MEAF6: variants seen among roughly 807,000 people sequenced by gnomAD.
The protein encoded by MEAF6 is MYST/Esa1 associated factor 6.
In MEAF6, 15 loss-of-function variants were observed where a neutral mutation model predicts 28.9. That is an observed-to-expected ratio of 0.52 (90% confidence interval 0.35 to 0.80). MEAF6 has a LOEUF of 0.80. MEAF6 is among the 30% of genes least tolerant of loss of function. The pLI, the probability that MEAF6 is intolerant of heterozygous loss-of-function variation, is 0.01. For missense variants in MEAF6, 178 were observed against 237.5 expected (o/e 0.75, Z 1.65); for synonymous variants, 97 against 88.7 (o/e 1.09, Z -0.53).
intron 2 of MEAF6, 86 bp from the exon 3 acceptor site, chr1:37,509,628 G>A (rs1642598869): frequency 5.0e-6 from 6 of 1,197,162 alleles, no homozygotes; most frequent in African/African-American, 1.5e-5. Flanking sequence ...GTTCCATGCA[G>A]GAAGCTTCCA....
intron 5 of MEAF6, 186 bp downstream of exon 5, chr1:37,501,618 G>A: frequency 6.2e-6 from 3 of 484,356 alleles, no homozygotes; most frequent in Non-Finnish European, 1.1e-5. Flanking sequence ...AGTCTTCCTT[G>A]AGGGTTACTC....
At chr1:37,499,445 AGGGACTT>A (rs1642226128) in intron 5 of MEAF6, among the ~76,000 whole-genome samples, 1 of 152,184 alleles carries the variant, frequency 6.6e-6, no homozygotes, top group African/African-American at 2.4e-5. Flanking sequence ...AGCAGTAGTA[AGGGACTT>A]GGAGCAGACA....
chr1:37,491,080 G>A lies in MEAF6; in HGVS notation c.*3019C>T, dbSNP rs1233551994. On this transcript the variant is annotated 3_prime_UTR_variant, in exon 7 of 7. Transcript: ENST00000296214. The stretch of plus-strand genomic sequence containing the variant: ...CATTAATTTGGAGTAAGGTTGGGGG[G>A]CATAGAAGACAGAATAAATGCAAAA... Among the ~76,000 whole-genome samples the A allele has an allele frequency of 1.3e-5, 2 of 152,110 alleles. No homozygotes were observed. Among genetic ancestry groups the A allele is most frequent in the South Asian group, 2.1e-4 (1 of 4,812 alleles).
chr1:37,510,724 AT>A, intron 2 of MEAF6, among the ~76,000 whole-genome samples: 1 of 151,188 alleles, frequency 6.6e-6, no homozygotes, highest in South Asian at 2.1e-4. Context: ...TTATTTACTT[AT>A]TTATATATTT....
chr1:37,511,127 G>T (rs1329378221), intron 2 of MEAF6, among the ~76,000 whole-genome samples: 1 of 152,208 alleles, frequency 6.6e-6, no homozygotes, highest in Non-Finnish European at 1.5e-5. Context: ...AAGAACCAGG[G>T]TTCCTTAGAG....
intron 1 of MEAF6, chr1:37,513,822 A>C: frequency 1.9e-6 from 1 of 512,858 alleles, no homozygotes; most frequent in Middle Eastern, 5.1e-4. Context: ...ACCATGAGTC[A>C]AGAGCCCAGG....
chr1:37,492,702 C>G lies in MEAF6; in HGVS notation c.*1397G>C, dbSNP rs1641978114. On this transcript the variant is annotated 3_prime_UTR_variant, in exon 7 of 7. Transcript: ENST00000296214. ...CCAATACTATCACAAATGAAACATA[C>G]TATTTCTTACAAAGATATAGGCATA... The G allele has an allele frequency of 6.6e-6, 1 of 152,380 alleles. No homozygotes were observed. Among genetic ancestry groups the G allele is most frequent in the Non-Finnish European group, 1.5e-5 (1 of 68,018 alleles). The allele number at this position is 152,380 out of a possible 1,614,324, so 9.4% of individuals were successfully genotyped here. A position where few individuals can be genotyped will look rare whatever the true frequency, so the allele number is the denominator to read the frequency against.
Position 37,491,119 on chromosome 1 carries a change from G to A in MEAF6, c.*2980C>T, listed in dbSNP as rs918532712. On this transcript the variant is annotated 3_prime_UTR_variant, in exon 7 of 7. Transcript: ENST00000296214. ...ATAAATGCAAAAACTAAGTCACAGA[G>A]TGTTTCAAGCTTAGGCTCTTTAACT... 1.3e-5 allele frequency among the ~76,000 whole-genome samples: 2 copies of A among 152,226 alleles called. No homozygotes were observed. Among genetic ancestry groups the A allele is most frequent in the Admixed American group, 1.3e-4 (2 of 15,276 alleles).
Position 37,509,536 on chromosome 1 carries a change from G to A in MEAF6, c.213C>T (p.Ser71=). ...GGTTCCTTCGATCATTTTTGCTATT[G>A]GAGTTTCTAAAACACAGAAGAAACT... ...WDRYLTNQKN[S]NSKNDRRNRK... The change falls in exon 3 of 7, where the codon TCC becomes TCT. Residue 71 remains serine, a synonymous_variant. Coordinates refer to ENST00000296214, the MANE Select transcript of MEAF6 (RefSeq NM_001270875.3). 1 of 1,613,402 alleles carries A rather than the reference G, an allele frequency of 6.2e-7. No homozygotes were observed. Among genetic ancestry groups the A allele is most frequent in the Non-Finnish European group, 8.5e-7 (1 of 1,179,820 alleles).
intron 4 of MEAF6, among the ~76,000 whole-genome samples, chr1:37,505,894 T>C (rs187902968): frequency 1.3e-5 from 2 of 152,252 alleles, no homozygotes; most frequent in African/African-American, 2.4e-5. Flanking sequence ...TGCAAAACAA[T>C]GAAGCTGTAC....
At chr1:37,501,223 C>T (rs1642291439) in intron 5 of MEAF6, among the ~76,000 whole-genome samples, 1 of 152,170 alleles carries the variant, frequency 6.6e-6, no homozygotes, top group African/African-American at 2.4e-5. Flanking sequence ...TTACACGTTA[C>T]CTATGAAGAC....
At chr1:37,513,183 T>C (rs932445006) in intron 2 of MEAF6, among the ~76,000 whole-genome samples, 1 of 152,220 alleles carries the variant, frequency 6.6e-6, no homozygotes, top group Non-Finnish European at 1.5e-5. Context: ...TGTATAAAGA[T>C]ACTGTATTTA....
At chr1:37,513,742 T>G (rs1175218414) in intron 1 of MEAF6, 8 of 588,460 alleles carry the variant, frequency 1.4e-5, no homozygotes, top group Non-Finnish European at 2.1e-5. Flanking sequence ...CCCCTGAATG[T>G]ATAAAGCATG....
intron 4 of MEAF6, among the ~76,000 whole-genome samples, chr1:37,504,541 C>T (rs1642414861): frequency 6.6e-6 from 1 of 151,894 alleles, no homozygotes; most frequent in African/African-American, 2.4e-5. Flanking sequence ...AAAGCCGACA[C>T]AAGTGGATCA....
At position 37,509,556 on chromosome 1, in the gene MEAF6, G is replaced by A; in HGVS notation, c.207-14C>T. 6.2e-7 allele frequency: 1 copy of A among 1,609,970 alleles called. No homozygotes were observed. Among genetic ancestry groups the A allele is most frequent in the Non-Finnish European group, 8.5e-7 (1 of 1,177,134 alleles). The stretch of plus-strand genomic sequence containing the variant: ...CTATTGGAGTTTCTAAAACACAGAA[G>A]AAACTCATTATGAGCACCAAGCTAT... On this transcript the variant is annotated splice_polypyrimidine_tract_variant and intron_variant, in intron 2 of 6. Coordinates refer to ENST00000296214, the MANE Select transcript of MEAF6 (RefSeq NM_001270875.3).
intron 5 of MEAF6, 22 bp from the exon 6 acceptor site, chr1:37,495,940 A>G: frequency 1.2e-6 from 2 of 1,609,770 alleles, no homozygotes; most frequent in Non-Finnish European, 1.7e-6. Flanking sequence ...AAGATAAAAG[A>G]TATTTCCATT....
intron 6 of MEAF6, 87 bp downstream of exon 6, chr1:37,495,797 AG>A: frequency 1.6e-6 from 2 of 1,286,592 alleles, no homozygotes; most frequent in Non-Finnish European, 1.1e-6. Context: ...ACTCCAGGTT[AG>A]GAACACTCAA....
intron 5 of MEAF6, among the ~76,000 whole-genome samples, chr1:37,500,385 A>C (rs1209394757): frequency 2.0e-5 from 3 of 152,238 alleles, no homozygotes; most frequent in African/African-American, 7.2e-5. Context: ...CAATTAAAAA[A>C]ATTTTTAAGA....
chr1:37,509,384 G>A lies in MEAF6; in HGVS notation c.295-61C>T, dbSNP rs576210873. On this transcript the variant is annotated intron_variant, in intron 3 of 6. Coordinates refer to ENST00000296214, the MANE Select transcript of MEAF6 (RefSeq NM_001270875.3). ...CACAGACCTCAGAAGAGCACTCCCA[G>A]AGGAAGGTAAAGAAAAAACACATTC... 124 of 1,608,406 alleles carry A rather than the reference G, an allele frequency of 7.7e-5. No homozygotes were observed. The South Asian group carries it at 1.3e-3, about 17-fold the overall frequency.
Sources: gnomAD v4.1 joint callset for allele counts (sites outside exome capture counted in the v4.1 genomes callset) on GRCh38, gnomAD v4.1.1 for gene constraint, MANE v1.5 for transcripts, NCBI Gene and HGNC (gene_info 2026-07-23, HGNC 2026-07-21) for gene names.